Variants in PARD3B observed in about 807,000 individuals in gnomAD.
PARD3B encodes par-3 family cell polarity regulator beta.
Under a neutral mutation model 130.2 loss-of-function variants are expected in PARD3B, and 103 were observed. That is an observed-to-expected ratio of 0.79 (90% confidence interval 0.67 to 0.93). PARD3B has a LOEUF of 0.93. PARD3B is among the 40% of genes least tolerant of loss of function. The probability of loss-of-function intolerance (pLI) is 0.00; values close to 1 mark genes in which losing one functional copy is unlikely to be tolerated. For missense variants in PARD3B, 1,609 were observed against 1,499.2 expected, an observed-to-expected ratio of 1.07 and a Z score of -1.21; for synonymous variants, 583 against 553.2, an observed-to-expected ratio of 1.05 and a Z score of -0.76.
intron 2 of PARD3B, among the ~76,000 whole-genome samples, chr2:204,719,780 A>G (rs1158170991): frequency 7.6e-6 from 1 of 131,104 alleles, no homozygotes; most frequent in African/African-American, 4.0e-5. Context: ...CCACTGAATT[A>G]GGTAAATAAT....
At chr2:205,380,129 T>TATATTATATAAAGA (rs2045261302) in intron 18 of PARD3B, among the ~76,000 whole-genome samples, 1 of 129,852 alleles carries the variant, frequency 7.7e-6, no homozygotes, top group Non-Finnish European at 1.6e-5. Flanking sequence ...ATATATTATA[T>TATATTATATAAAGA]ATATTATATA....
At chr2:204,899,247 T>TC (rs1198651841) in intron 2 of PARD3B, among the ~76,000 whole-genome samples, 1 of 81,624 alleles carries the variant, frequency 1.2e-5, no homozygotes, top group South Asian at 4.8e-4. Flanking sequence ...CCTCCCTCCC[T>TC]CCCTCCCTCC....
chr2:204,569,097 GA>G (rs1343177434), intron 1 of PARD3B, among the ~76,000 whole-genome samples: 1 of 152,062 alleles, frequency 6.6e-6, no homozygotes, highest in Non-Finnish European at 1.5e-5. Flanking sequence ...GCCATCTACT[GA>G]ATATTGGGAG....
In PARD3B at chr2:204,594,186, C is replaced by T. The variant is rs776336218; in HGVS notation, c.120+48067C>T. Among the ~76,000 whole-genome samples the T allele has an allele frequency of 1.8e-4, 28 of 152,080 alleles. 1 individual carries two copies. The highest frequency in any genetic ancestry group is 5.8e-4 in the African/African-American group (24 of 41,424). ...GATGAGGTCGAATGCTAGTGCCAGG[C>T]GATACAGGACTGGACTCCTGAAAGG... On this transcript the variant is annotated intron_variant, in intron 1 of 22. Coordinates refer to ENST00000406610, the MANE Select transcript of PARD3B (RefSeq NM_001302769.2).
intron 3 of PARD3B, among the ~76,000 whole-genome samples, chr2:205,016,561 C>T (rs919368154): frequency 2.6e-5 from 4 of 152,246 alleles, no homozygotes; most frequent in Admixed American, 2.6e-4. Flanking sequence ...TAAGCAGAAC[C>T]TCAACACATA....
intron 20 of PARD3B, among the ~76,000 whole-genome samples, chr2:205,478,088 C>A (rs980395344): frequency 1.3e-5 from 2 of 152,248 alleles, no homozygotes; most frequent in African/African-American, 4.8e-5. Context: ...TGATCTGTAG[C>A]TTTCCCTCCT....
chr2:204,805,842 C>T (rs1221530542), intron 2 of PARD3B, among the ~76,000 whole-genome samples: 2 of 152,034 alleles, frequency 1.3e-5, no homozygotes, highest in Non-Finnish European at 2.9e-5. Context: ...GCTGAAAAAG[C>T]ATTTAATAAA....
chr2:204,979,242 A>G (rs1178522667), intron 3 of PARD3B, among the ~76,000 whole-genome samples: 2 of 151,854 alleles, frequency 1.3e-5, no homozygotes, highest in African/African-American at 4.8e-5. Context: ...GGAGGAGAAA[A>G]TGGAGAGTAA....
At chr2:204,819,433 G>C in intron 2 of PARD3B, among the ~76,000 whole-genome samples, 1 of 152,148 alleles carries the variant, frequency 6.6e-6, no homozygotes, top group East Asian at 1.9e-4. Context: ...CATGTGTTCT[G>C]ACTACTCCAC....
At position 204,706,829 on chromosome 2, in the gene PARD3B, A is replaced by G. The variant is rs1409748787; in HGVS notation, c.222+20547A>G. Among the ~76,000 whole-genome samples, 9 of 152,226 alleles carry G rather than the reference A, an allele frequency of 5.9e-5. No individual in the cohort carries two copies. The East Asian group carries it at 1.7e-3, about 29-fold the overall frequency. ...GTCTTTGGCAGTACCCTGTAATCAT[A>G]GACATTAATATTTTTCTAGCAAAAC... On this transcript the variant is annotated intron_variant, in intron 2 of 22. Transcript: ENST00000406610.
In PARD3B at chr2:204,924,082, A is replaced by G. The variant is rs1221003830; in HGVS notation, c.223-41070A>G. Among the ~76,000 whole-genome samples the G allele has an allele frequency of 2.6e-5, 4 of 152,114 alleles. No homozygotes were observed. In the East Asian group the frequency reaches 7.7e-4, roughly 29 times the overall value. On this transcript the variant is annotated intron_variant, in intron 2 of 22. Transcript: ENST00000406610. ...GGACTAAAACCACTGATGGTGAAAT[A>G]GGATCTTGAGCAAATCAGATCTTAT...
intron 6 of PARD3B, among the ~76,000 whole-genome samples, chr2:205,115,936 T>A (rs1382533290): frequency 6.6e-6 from 1 of 152,234 alleles, no homozygotes; most frequent in Admixed American, 6.5e-5. Context: ...TGTATTTTTT[T>A]ATTTTTTTTT....
chr2:205,322,287 C>G (rs2042778264), intron 18 of PARD3B, among the ~76,000 whole-genome samples: 1 of 152,186 alleles, frequency 6.6e-6, no homozygotes, highest in South Asian at 2.1e-4. Flanking sequence ...AGAGCATACT[C>G]TGCCAGTCTT....
intron 2 of PARD3B, among the ~76,000 whole-genome samples, chr2:204,910,911 G>C (rs547094084): frequency 4.8e-4 from 73 of 152,194 alleles, no homozygotes; most frequent in African/African-American, 1.7e-3. Context: ...CAAAGTGCTG[G>C]GATTACAGGC....
intron 2 of PARD3B, among the ~76,000 whole-genome samples, chr2:204,763,977 C>T (rs2041019806): frequency 6.6e-6 from 1 of 152,008 alleles, no homozygotes; most frequent in Admixed American, 6.6e-5. Flanking sequence ...GACCAAGTTT[C>T]TTTTTTGTGG....
Position 205,575,114 on chromosome 2 carries a change from C to CGT in PARD3B, c.3260+21712_3260+21713insTG, listed in dbSNP as rs1553550392. On this transcript the variant is annotated intron_variant, in intron 22 of 22. Transcript: ENST00000406610. The surrounding 1 kb of genome is among the most constrained non-coding windows in gnomAD (Gnocchi z 4.6). ...ACACACACACACACACACACACACA[C>CGT]GCGTACACTATATATAAAAATATAT... 4.8e-5 allele frequency among the ~76,000 whole-genome samples: 3 copies of CGT among 63,046 alleles called. No homozygotes were observed. The East Asian group carries it at 1.4e-3, about 30-fold the overall frequency. 41.4% of individuals were successfully genotyped at this position (63,046 alleles called of 152,430 possible). A position where few individuals can be genotyped will look rare whatever the true frequency, so the allele number is the denominator to read the frequency against.
At chr2:204,691,845 G>A (rs2037368952) in intron 2 of PARD3B, among the ~76,000 whole-genome samples, 1 of 152,026 alleles carries the variant, frequency 6.6e-6, no homozygotes, top group African/African-American at 2.4e-5. Context: ...TGGTAAAATA[G>A]TTTTATAAGA....
intron 2 of PARD3B, among the ~76,000 whole-genome samples, chr2:204,714,930 A>G (rs888355405): frequency 1.7e-4 from 26 of 152,226 alleles, no homozygotes; most frequent in Non-Finnish European, 3.1e-4. Flanking sequence ...TAATGGCTGA[A>G]TGGCTTTCAT....
intron 21 of PARD3B, among the ~76,000 whole-genome samples, chr2:205,506,992 G>C (rs1401090593): frequency 6.6e-6 from 1 of 151,978 alleles, no homozygotes; most frequent in Admixed American, 6.6e-5. Context: ...CTCTCTGCAG[G>C]CACCATTCTC....
Sources: gnomAD v4.1 joint callset for allele counts (sites outside exome capture counted in the v4.1 genomes callset) on GRCh38, gnomAD v4.1.1 for gene constraint, Gnocchi (gnomAD v3.1) non-coding constraint, MANE v1.5 for transcripts, NCBI Gene and HGNC (gene_info 2026-07-23, HGNC 2026-07-21) for gene names.